The following DHRS7B variants were observed in gnomAD, a reference collection of about 807,000 sequenced individuals.
The protein encoded by DHRS7B is peroxisomal reductase activating PPAR-gamma.
DHRS7B carries 24 observed loss-of-function variants against 26.4 expected under a neutral mutation model. That is an observed-to-expected ratio of 0.91 (90% CI 0.66 to 1.28). DHRS7B has a LOEUF of 1.28. Among genes scored for constraint, DHRS7B ranks in the 50% most tolerant of loss-of-function variants. DHRS7B has a pLI of 0.00. For synonymous variants in DHRS7B, 142 were observed against 166.4 expected, an observed-to-expected ratio of 0.85 and a Z score of 1.13; for missense variants, 368 against 419.4, an observed-to-expected ratio of 0.88 and a Z score of 1.07.
At chr17:21,150,105 TAAAAA>T (rs61516968) in intron 1 of DHRS7B, among the ~76,000 whole-genome samples, 1 of 50,052 alleles carries the variant, frequency 2.0e-5, no homozygotes, top group African/African-American at 7.5e-5. Flanking sequence ...CATCTCTATT[TAAAAA>T]AAAAAAAAAA....
At chr17:21,165,932 A>C (rs1974102467) in intron 1 of DHRS7B, among the ~76,000 whole-genome samples, 1 of 151,758 alleles carries the variant, frequency 6.6e-6, no homozygotes, top group South Asian at 2.1e-4. Context: ...AAAAAAAAAA[A>C]AACCACATTA....
chr17:21,189,851 C>T (rs568934383), intron 6 of DHRS7B, among the ~76,000 whole-genome samples: 34 of 152,332 alleles, frequency 2.2e-4, no homozygotes, highest in African/African-American at 7.7e-4. Context: ...TGAGGGAGCT[C>T]AGGCAATCTG....
Position 21,178,294 on chromosome 17 carries a change from G to C in DHRS7B, c.261G>C (p.Gly87=). ...AKLVLCGRNG[G]ALEELIRELT... is the part of the protein sequence containing the mutation. ...TGGTGCTCTGTGGCCGGAATGGTGG[G>C]GCCCTAGAAGAGCTCATCAGAGAAC... Residue 87 remains glycine, a synonymous_variant, in exon 3 of 7, where the codon GGG becomes GGC. Transcript: ENST00000395511. The C allele has an allele frequency of 6.2e-7, 1 of 1,614,178 alleles. No homozygotes were observed. Among genetic ancestry groups the C allele is most frequent in the Non-Finnish European group, 8.5e-7 (1 of 1,180,050 alleles).
At chr17:21,187,094 G>GATATATATATAT (rs147554727) in intron 5 of DHRS7B, among the ~76,000 whole-genome samples, 2,487 of 142,976 alleles carry the variant, frequency 0.017, 67 homozygotes, top group African/African-American at 0.05. Context: ...TGTATTAAAA[G>GATATATATATAT]ATATATATAT....
intron 1 of DHRS7B, among the ~76,000 whole-genome samples, chr17:21,170,181 C>G (rs537229897): frequency 8.5e-5 from 13 of 152,152 alleles, no homozygotes; most frequent in Non-Finnish European, 1.8e-4. Flanking sequence ...ACTGTTTATC[C>G]CTCCTTCCCC....
chr17:21,132,471 C>T (rs952635222), intron 1 of DHRS7B, among the ~76,000 whole-genome samples: 4 of 137,796 alleles, frequency 2.9e-5, no homozygotes, highest in African/African-American at 1.1e-4. Context: ...GTTGAGGCTG[C>T]AGTGAGCTAT....
chr17:21,156,793 A>T lies in DHRS7B; in HGVS notation c.21-15225A>T, dbSNP rs55675069. 4.0e-3 allele frequency among the ~76,000 whole-genome samples: 609 copies of T among 151,694 alleles called. 5 individuals are homozygous for T. The highest frequency in any genetic ancestry group is 0.014 in the African/African-American group (592 of 41,310). On this transcript the variant is annotated intron_variant, in intron 1 of 6. Transcript: ENST00000395511. ...TTGGACGTGGTGGCATGCACCTGTC[A>T]TCCCAGCTATTCGGGGGGCTGAGGC... is the stretch of plus-strand genomic sequence containing the variant.
chr17:21,149,341 T>G (rs1973709951), intron 1 of DHRS7B, among the ~76,000 whole-genome samples: 1 of 152,124 alleles, frequency 6.6e-6, no homozygotes, highest in Non-Finnish European at 1.5e-5. Flanking sequence ...ACTAAACCCA[T>G]CTTACAAGAA....
chr17:21,158,983 A>C (rs1973938420), intron 1 of DHRS7B, among the ~76,000 whole-genome samples: 1 of 152,134 alleles, frequency 6.6e-6, no homozygotes, highest in South Asian at 2.1e-4. Flanking sequence ...ATCTAAACAC[A>C]GACTTCACAA....
intron 1 of DHRS7B, among the ~76,000 whole-genome samples, chr17:21,164,095 C>G (rs1330888325): frequency 7.3e-6 from 1 of 136,626 alleles, no homozygotes; most frequent in Non-Finnish European, 1.5e-5. Flanking sequence ...GTGGCATCAT[C>G]ATAGCTCACT....
chr17:21,190,633 C>T (rs1181674316), intron 6 of DHRS7B, among the ~76,000 whole-genome samples: 1 of 152,228 alleles, frequency 6.6e-6, no homozygotes, highest in Non-Finnish European at 1.5e-5. Flanking sequence ...GGCCCTGTGC[C>T]TTTGCTGTGG....
At chr17:21,171,508 C>G (rs2144124826) in intron 1 of DHRS7B, among the ~76,000 whole-genome samples, 1 of 152,336 alleles carries the variant, frequency 6.6e-6, no homozygotes, top group South Asian at 2.1e-4. Flanking sequence ...CTGTAACAGT[C>G]TAGGGGCTGC....
intron 1 of DHRS7B, among the ~76,000 whole-genome samples, chr17:21,142,259 A>G (rs1048158538): frequency 2.6e-5 from 4 of 152,136 alleles, no homozygotes; most frequent in African/African-American, 9.7e-5. Flanking sequence ...TCAGAGTGAA[A>G]CAGAACAGAA....
At position 21,186,927 on chromosome 17, in the gene DHRS7B, T is replaced by C. The variant is rs116202902; in HGVS notation, c.620-1784T>C. Among the ~76,000 whole-genome samples the C allele has an allele frequency of 7.0e-3, 1,071 of 152,168 alleles. 13 individuals carry two copies. The highest frequency in any genetic ancestry group is 0.023 in the African/African-American group (956 of 41,506). On this transcript the variant is annotated intron_variant, in intron 5 of 6. Coordinates refer to ENST00000395511, the MANE Select transcript of DHRS7B (RefSeq NM_015510.5). ...ATTTTTTACACCCATGAAGGCCCAC[T>C]GATGGGGCCAATTCTGTCACTTGGT...
At chr17:21,156,778 T>G (rs1383391595) in intron 1 of DHRS7B, among the ~76,000 whole-genome samples, 1 of 151,626 alleles carries the variant, frequency 6.6e-6, no homozygotes, top group Non-Finnish European at 1.5e-5. Flanking sequence ...TTGGACGTGG[T>G]GGCATGCACC....
At chr17:21,174,907 G>A (rs1974339636) in intron 2 of DHRS7B, among the ~76,000 whole-genome samples, 1 of 152,156 alleles carries the variant, frequency 6.6e-6, no homozygotes, top group African/African-American at 2.4e-5. Context: ...TGGGGGCTCT[G>A]CTGCTCTGCT....
rs567014059 is a variant in DHRS7B at position 21,134,154 on chromosome 17, C to G, written c.20+7163C>G. Among the ~76,000 whole-genome samples the G allele has an allele frequency of 6.7e-4, 102 of 152,272 alleles. 2 individuals carry two copies. Among genetic ancestry groups the G allele is most frequent in the Non-Finnish European group, 1.3e-4 (9 of 68,016 alleles). ...ATTAGGCAAGACTAGACTCCAACAA[C>G]AGGTTTACTATAGTTTTGAAACATA... On this transcript the variant is annotated intron_variant, in intron 1 of 6. Coordinates refer to ENST00000395511, the MANE Select transcript of DHRS7B (RefSeq NM_015510.5).
At chr17:21,173,331 G>C (rs1974303278) in intron 2 of DHRS7B, among the ~76,000 whole-genome samples, 1 of 152,212 alleles carries the variant, frequency 6.6e-6, no homozygotes. Flanking sequence ...CTAAGATTCA[G>C]AGAAGGAATG....
At chr17:21,178,550 C>G (rs1451125089) in intron 3 of DHRS7B, among the ~76,000 whole-genome samples, 1 of 152,184 alleles carries the variant, frequency 6.6e-6, no homozygotes, top group African/African-American at 2.4e-5. Context: ...GATGCCCCTA[C>G]TGGCTAGCAC....
Sources: gnomAD v4.1 joint callset for allele counts (sites outside exome capture counted in the v4.1 genomes callset) on GRCh38, gnomAD v4.1.1 for gene constraint, MANE v1.5 for transcripts, NCBI Gene and HGNC (gene_info 2026-07-23, HGNC 2026-07-21) for gene names.